MGAT4C: variants seen among roughly 807,000 people sequenced by gnomAD.
MGAT4C encodes the protein alpha-1,3-mannosyl-glycoprotein 4-beta-N-acetylglucosaminyltransferase C.
A neutral mutation model predicts 40.1 loss-of-function variants in MGAT4C; 19 were observed. That is an observed-to-expected ratio of 0.47 (90% CI 0.33 to 0.70). The LOEUF (loss-of-function observed/expected upper bound fraction) is 0.70, where lower values mean the gene tolerates loss of function less well. MGAT4C is among the 30% of genes least tolerant of loss of function. MGAT4C has a pLI of 0.02. For synonymous variants in MGAT4C, 181 were observed against 187.1 expected, an observed-to-expected ratio of 0.97 and a Z score of 0.27; for missense variants, 491 against 563.2, an observed-to-expected ratio of 0.87 and a Z score of 1.30.
chr12:86,152,653 A>C (rs1379160710), intron 1 of MGAT4C, among the ~76,000 whole-genome samples: 1 of 152,168 alleles, frequency 6.6e-6, no homozygotes, highest in Non-Finnish European at 1.5e-5. Context: ...ATTCATAGAG[A>C]AATCTATCTT....
intron 4 of MGAT4C, among the ~76,000 whole-genome samples, chr12:86,267,596 C>A (rs1184632960): frequency 6.6e-6 from 1 of 151,960 alleles, no homozygotes; most frequent in Admixed American, 6.6e-5. Context: ...GCTGTTCTTT[C>A]AAATATTTTT....
rs148434277 is a variant in MGAT4C, at chr12:86,601,620, T to C, written c.-229+125589A>G. ...GGCCAGGAACTCAGGACCCCCAGACTGCGGGAGCGAAAGAAGCTGTAACAT... is the reference window on the plus strand; with the variant it reads ...GGCCAGGAACTCAGGACCCCCAGACCGCGGGAGCGAAAGAAGCTGTAACAT... On this transcript the variant is annotated intron_variant, in intron 2 of 7. Transcript: ENST00000548651. 6.6e-5 allele frequency among the ~76,000 whole-genome samples: 10 copies of C among 152,258 alleles called. No individual in the cohort carries two copies. In the East Asian group the frequency reaches 1.7e-3, roughly 27 times the overall value.
chr12:86,752,538 G>A (rs1451090995), intron 1 of MGAT4C, among the ~76,000 whole-genome samples: 1 of 152,016 alleles, frequency 6.6e-6, no homozygotes, highest in Non-Finnish European at 1.5e-5. Flanking sequence ...ATTCCTTTGT[G>A]AGAACTGTGA....
At chr12:86,441,235 C>A (rs559852737) in intron 2 of MGAT4C, among the ~76,000 whole-genome samples, 372 of 151,796 alleles carry the variant, frequency 2.5e-3, no homozygotes, top group African/African-American at 8.7e-3. Flanking sequence ...GATATAGTAA[C>A]CAAAATAGTA....
intron 1 of MGAT4C, among the ~76,000 whole-genome samples, chr12:86,176,679 A>G (rs1887472885): frequency 6.6e-6 from 1 of 151,728 alleles, no homozygotes; most frequent in Admixed American, 6.6e-5. Flanking sequence ...TAATAGTTTA[A>G]GGATATTCTG....
chr12:86,720,180 C>A (rs1181790648), intron 2 of MGAT4C, among the ~76,000 whole-genome samples: 5 of 152,130 alleles, frequency 3.3e-5, no homozygotes, highest in African/African-American at 1.2e-4. Flanking sequence ...TAAATGTAAA[C>A]TTTTCCAACT....
At chr12:86,363,296 T>A (rs1283453929) in intron 3 of MGAT4C, among the ~76,000 whole-genome samples, 1 of 152,074 alleles carries the variant, frequency 6.6e-6, no homozygotes, top group Non-Finnish European at 1.5e-5. Context: ...AGAATTGTAA[T>A]CAATAATAGA....
chr12:86,302,485 G>A (rs1414786038), intron 4 of MGAT4C, among the ~76,000 whole-genome samples: 1 of 150,538 alleles, frequency 6.6e-6, no homozygotes. Flanking sequence ...CTGGAGTGCA[G>A]TGGTGCAATG....
chr12:86,643,260 C>T (rs562910924), intron 2 of MGAT4C, among the ~76,000 whole-genome samples: 4 of 151,772 alleles, frequency 2.6e-5, no homozygotes, highest in African/African-American at 7.2e-5. Flanking sequence ...ATACACCTGC[C>T]GTTAGGTCCC....
intron 1 of MGAT4C, among the ~76,000 whole-genome samples, chr12:86,135,778 T>C (rs1881858185): frequency 6.6e-6 from 1 of 152,166 alleles, no homozygotes; most frequent in African/African-American, 2.4e-5. Flanking sequence ...TATAGAAGTG[T>C]AACAACTTAT....
At chr12:86,070,389 T>C (rs1894970852) in intron 1 of MGAT4C, among the ~76,000 whole-genome samples, 2 of 152,076 alleles carry the variant, frequency 1.3e-5, no homozygotes, top group South Asian at 4.1e-4. Context: ...GATTGTTTGC[T>C]AGTCACCTGG....
intron 2 of MGAT4C, among the ~76,000 whole-genome samples, chr12:86,029,559 C>T (rs751237740): frequency 7.9e-5 from 12 of 151,910 alleles, no homozygotes; most frequent in Non-Finnish European, 1.2e-4. Flanking sequence ...AAATGTCAGA[C>T]GGCTGGGTTC....
At chr12:86,178,783 C>T (rs1887771682) in intron 1 of MGAT4C, among the ~76,000 whole-genome samples, 2 of 152,026 alleles carry the variant, frequency 1.3e-5, no homozygotes, top group Admixed American at 6.6e-5. Flanking sequence ...TCAGTCATGT[C>T]CTCAGCTTTT....
rs1962342435 is a variant in MGAT4C at position 86,613,197 on chromosome 12, T to A, written c.-229+114012A>T. ...GATGATTCTACCAATTTATATGAAATCTCTGTTGTCTACCACAACTGTCAA... is the reference window on the plus strand; with the variant it reads ...GATGATTCTACCAATTTATATGAAAACTCTGTTGTCTACCACAACTGTCAA... On this transcript the variant is annotated intron_variant, in intron 2 of 7. Transcript: ENST00000548651. Among the ~76,000 whole-genome samples the A allele has an allele frequency of 2.6e-5, 4 of 152,234 alleles. No individual in the cohort carries two copies. In the South Asian group the frequency reaches 8.3e-4, roughly 32 times the overall value.
intron 1 of MGAT4C, among the ~76,000 whole-genome samples, chr12:86,240,801 T>C (rs1951752022): frequency 6.6e-6 from 1 of 152,174 alleles, no homozygotes; most frequent in Non-Finnish European, 1.5e-5. Context: ...ATTGATATGA[T>C]AATTTTAAAT....
At chr12:86,168,047 T>A (rs974672820) in intron 1 of MGAT4C, among the ~76,000 whole-genome samples, 2 of 152,212 alleles carry the variant, frequency 1.3e-5, no homozygotes, top group African/African-American at 4.8e-5. Context: ...CTTTTAATGG[T>A]AAAACTAATT....
chr12:86,202,442 A>G (rs936955238), intron 1 of MGAT4C, among the ~76,000 whole-genome samples: 3 of 152,070 alleles, frequency 2.0e-5, no homozygotes, highest in African/African-American at 7.2e-5. Context: ...AACGTTCCAC[A>G]TAGTAATGGA....
At chr12:85,998,201 G>T (rs1351161226) in intron 2 of MGAT4C, among the ~76,000 whole-genome samples, 1 of 152,172 alleles carries the variant, frequency 6.6e-6, no homozygotes, top group African/African-American at 2.4e-5. Context: ...TGGCTAGAGT[G>T]GCTGGGATTC....
At chr12:86,736,354 A>C (rs905662437) in intron 1 of MGAT4C, among the ~76,000 whole-genome samples, 2 of 151,892 alleles carry the variant, frequency 1.3e-5, no homozygotes, top group Admixed American at 6.6e-5. Context: ...AAGCCACTGA[A>C]ACCTTACCAC....
Sources: gnomAD v4.1 joint callset for allele counts (sites outside exome capture counted in the v4.1 genomes callset) on GRCh38, gnomAD v4.1.1 for gene constraint, MANE v1.5 for transcripts, NCBI Gene and HGNC (gene_info 2026-07-23, HGNC 2026-07-21) for gene names.